USP47: variants seen among roughly 807,000 people sequenced by gnomAD.
USP47 encodes ubiquitin carboxyl-terminal hydrolase 47.
A neutral mutation model predicts 165.1 loss-of-function variants in USP47; 35 were observed. The observed-to-expected ratio is 0.21, with a 90% CI of 0.16 to 0.28. The LOEUF (loss-of-function observed/expected upper bound fraction) is 0.28, where lower values mean the gene tolerates loss of function less well. USP47 is among the 10% of genes least tolerant of loss of function. USP47 has a pLI of 1.00. For missense variants in USP47, 1,277 were observed against 1,607.4 expected, an observed-to-expected ratio of 0.79 and a Z score of 3.52; for synonymous variants, 531 against 544.5, an observed-to-expected ratio of 0.98 and a Z score of 0.35.
At position 11,960,953 on chromosome 11, in the gene USP47, G is replaced by A. The variant is rs1847426908; in HGVS notation, c.*4778G>A. Among the ~76,000 whole-genome samples, 1 of 152,098 alleles carries A rather than the reference G, an allele frequency of 6.6e-6. No homozygotes were observed. The highest frequency in any genetic ancestry group is 1.5e-5 in the Non-Finnish European group (1 of 68,012). On this transcript the variant is annotated 3_prime_UTR_variant, in exon 28 of 28. Coordinates refer to ENST00000527733, the MANE Select transcript of USP47 (RefSeq NM_001282659.2). Reference sequence around the variant, plus strand: ...CCCTCCCCACAGGCCCAGAGAACCAGTTGGGCTTTGTTCTCCTGCAGGCTA... The same window carrying A: ...CCCTCCCCACAGGCCCAGAGAACCAATTGGGCTTTGTTCTCCTGCAGGCTA...
rs1847307964 is a variant in USP47, at chr11:11,958,490, G to A, written c.*2315G>A. ...CAGGTGAGCATCCATAACCTAACAG[G>A]CAGAGCCCTAGCGATGTGGATCAAG... On this transcript the variant is annotated 3_prime_UTR_variant, in exon 28 of 28. Coordinates refer to ENST00000527733, the MANE Select transcript of USP47 (RefSeq NM_001282659.2). 6.6e-6 allele frequency: 1 copy of A among 152,228 alleles called. No homozygotes were observed. The highest frequency in any genetic ancestry group is 6.5e-5 in the Admixed American group (1 of 15,286). 9.4% of individuals were successfully genotyped at this position (152,228 alleles called of 1,614,324 possible). A position where few individuals can be genotyped will look rare whatever the true frequency, so the allele number is the denominator to read the frequency against.
At chr11:11,883,327 T>G (rs1850950114) in intron 2 of USP47, among the ~76,000 whole-genome samples, 1 of 152,240 alleles carries the variant, frequency 6.6e-6, no homozygotes, top group Non-Finnish European at 1.5e-5. Flanking sequence ...TATAGTATTC[T>G]AAGCTCTGTA....
intron 20 of USP47, 78 bp downstream of exon 20, chr11:11,943,190 G>A: frequency 6.8e-7 from 1 of 1,459,952 alleles, no homozygotes; most frequent in Non-Finnish European, 9.2e-7. Flanking sequence ...TCAGTTAAGT[G>A]TTAGGTACTT....
intron 27 of USP47, among the ~76,000 whole-genome samples, chr11:11,955,374 A>T (rs1856496854): frequency 6.6e-6 from 1 of 152,234 alleles, no homozygotes; most frequent in South Asian, 2.1e-4. Flanking sequence ...TAATTTTAAA[A>T]ATATTGTAAA....
At position 11,952,856 on chromosome 11, in the gene USP47, C is replaced by T. The variant is rs568871008; in HGVS notation, c.3699C>T (p.Asp1233=). 24 of 1,602,066 alleles carry T rather than the reference C, an allele frequency of 1.5e-5. No individual in the cohort carries two copies. The highest frequency in any genetic ancestry group is 1.7e-4 in the Middle Eastern group (1 of 6,022). The change falls in exon 25 of 28, where the codon GAC becomes GAT. Residue 1233 remains aspartate, a synonymous_variant. Transcript: ENST00000527733. The stretch of plus-strand genomic sequence containing the variant: ...TTGTATTGGAAAGCAGTAGTGTGGA[C>T]GAATTGCGAGAGAAGGTAAGTTCAT... The part of the protein sequence containing the change: ...QEVVLESSSV[D]ELREKLSEIS...
chr11:11,947,991 A>T lies in USP47; in HGVS notation c.3138A>T (p.Lys1046Asn). 6.2e-7 allele frequency: 1 copy of T among 1,613,466 alleles called. No homozygotes were observed. The highest frequency in any genetic ancestry group is 8.5e-7 in the Non-Finnish European group (1 of 1,179,804). ...AAAGAATTACTCTGGCAGCTTTCAA[A>T]CAACATTTAGAGCCCTTTGTTGGAG... ...VDKRITLAAF[K>N]QHLEPFVGVL... The change falls in exon 21 of 28, where the codon AAA (lysine) becomes AAT (asparagine). Residue 1046 changes from lysine to asparagine, a missense_variant. By Grantham distance (94) the Lys-to-Asn change is moderately conservative. Around this residue, in one of 4 missense-constraint regions of USP47, gnomAD observed 909 missense variants for 1,068.1 expected, o/e 0.85. Coordinates refer to ENST00000527733, the MANE Select transcript of USP47 (RefSeq NM_001282659.2).
intron 1 of USP47, among the ~76,000 whole-genome samples, chr11:11,857,698 C>A (rs930262361): frequency 1.3e-5 from 2 of 152,160 alleles, no homozygotes; most frequent in African/African-American, 2.4e-5. Flanking sequence ...ACAAAAGAGC[C>A]GGAGGCTACT....
chr11:11,852,695 T>C (rs1054297332), intron 1 of USP47, among the ~76,000 whole-genome samples: 4 of 152,218 alleles, frequency 2.6e-5, no homozygotes, highest in African/African-American at 9.6e-5. Flanking sequence ...CTTTTAAAAT[T>C]GTGTTTCTGT....
intron 1 of USP47, among the ~76,000 whole-genome samples, chr11:11,871,482 A>G (rs1228355760): frequency 7.7e-6 from 1 of 130,690 alleles, no homozygotes; most frequent in Non-Finnish European, 1.6e-5. Flanking sequence ...CAGCCTGGCA[A>G]CAGAGCGAAA....
At position 11,897,605 on chromosome 11, in the gene USP47, G is replaced by A. The variant is rs1408684317; in HGVS notation, c.505G>A (p.Gly169Arg). ...ILNKSETGYV[G>R]LVNQAMTCYL... is the part of the protein sequence containing the mutation. ...GTATTTTCTCTTTAAAGGATATGTG[G>A]GACTAGTAAACCAAGCAATGACTTG... is the stretch of plus-strand genomic sequence containing the variant. Residue 169 changes from glycine (G) to arginine (R), a missense_variant, in exon 5 of 28, where the codon GGA (glycine) becomes AGA (arginine). Coordinates refer to ENST00000527733, the MANE Select transcript of USP47 (RefSeq NM_001282659.2). 1 of 1,605,412 alleles carries A rather than the reference G, an allele frequency of 6.2e-7. No homozygotes were observed. Among genetic ancestry groups the A allele is most frequent in the African/African-American group, 1.3e-5 (1 of 74,548 alleles).
chr11:11,940,393 G>T (rs2134764937), intron 18 of USP47, 36 bp from the exon 19 acceptor site: 1 of 1,550,392 alleles, frequency 6.4e-7, no homozygotes. Flanking sequence ...AATTATTTTT[G>T]AAAGAGTACT....
chr11:11,948,194 C>A, intron 21 of USP47, 74 bp downstream of exon 21: 4 of 1,465,140 alleles, frequency 2.7e-6, no homozygotes, highest in Admixed American at 2.3e-5. Flanking sequence ...TTACTACTTC[C>A]AAGTGAGGTG....
intron 3 of USP47, among the ~76,000 whole-genome samples, chr11:11,885,446 C>A (rs1347126065): frequency 1.3e-5 from 2 of 152,100 alleles, no homozygotes; most frequent in Non-Finnish European, 2.9e-5. Context: ...GGAATCCCCA[C>A]CCCCAGCCAA....
At chr11:11,904,475 G>T (rs1852421241) in intron 7 of USP47, among the ~76,000 whole-genome samples, 1 of 152,154 alleles carries the variant, frequency 6.6e-6, no homozygotes, top group Admixed American at 6.6e-5. Flanking sequence ...TTCATTTAGT[G>T]ATCTAGTTTC....
intron 1 of USP47, among the ~76,000 whole-genome samples, chr11:11,864,967 G>A (rs973195820): frequency 6.6e-6 from 1 of 152,078 alleles, no homozygotes; most frequent in East Asian, 1.9e-4. Context: ...TTGAAGTGTT[G>A]TGCCACTTCC....
intron 20 of USP47, 93 bp downstream of exon 20, chr11:11,943,205 C>T (rs894186235): frequency 1.3e-5 from 18 of 1,366,838 alleles, no homozygotes; most frequent in Non-Finnish European, 1.7e-5. Flanking sequence ...GTACTTAGTT[C>T]TAAGATCATT....
intron 1 of USP47, chr11:11,857,003 A>G (rs1046988048): frequency 6.6e-6 from 1 of 152,160 alleles, no homozygotes; most frequent in Non-Finnish European, 1.5e-5. Context: ...CACCATAAGG[A>G]ATGTCTTTAA....
At chr11:11,881,604 A>G (rs1194612068) in intron 2 of USP47, among the ~76,000 whole-genome samples, 1 of 151,872 alleles carries the variant, frequency 6.6e-6, no homozygotes, top group Non-Finnish European at 1.5e-5. Flanking sequence ...ATTTCTCAAA[A>G]TTTTTGGTTT....
chr11:11,843,120 A>G (rs936592697), intron 1 of USP47, among the ~76,000 whole-genome samples: 1 of 152,230 alleles, frequency 6.6e-6, no homozygotes, highest in Admixed American at 6.5e-5. Context: ...TACCTTAAAT[A>G]GAGACAAGTG....
Sources: allele counts gnomAD v4.1 joint callset (sites outside exome capture counted in the v4.1 genomes callset), GRCh38; gene constraint gnomAD v4.1.1; regional missense constraint gnomAD v4.1.1; transcripts MANE v1.5; gene names NCBI Gene and HGNC (gene_info 2026-07-23, HGNC 2026-07-21).